Variants in MAP3K4 observed in about 807,000 individuals in gnomAD.
MAP3K4 encodes mitogen-activated protein kinase kinase kinase 4.
MAP3K4 carries 67 observed loss-of-function variants against 185.6 expected under a neutral mutation model. The ratio of observed to expected loss-of-function variants is 0.36; its 90% CI spans 0.30 to 0.44. The LOEUF is 0.44. Ranked by LOEUF, MAP3K4 falls within the 20% of genes least tolerant of loss-of-function variation. The probability of loss-of-function intolerance (pLI) is 1.00; values close to 1 mark genes in which losing one functional copy is unlikely to be tolerated. For synonymous variants in MAP3K4, 702 were observed against 710.4 expected, an observed-to-expected ratio of 0.99 and a Z score of 0.19; for missense variants, 1,551 against 1,995.1, an observed-to-expected ratio of 0.78 and a Z score of 4.24.
Position 161,087,653 on chromosome 6 carries a change from G to C in MAP3K4, c.2557-35G>C, listed in dbSNP as rs763977304. On this transcript the variant is annotated intron_variant, in intron 9 of 26. Transcript: ENST00000392142. The surrounding 1 kb of genome is among the most constrained non-coding windows in gnomAD (Gnocchi z 4.9). ...AAATAACCTATTTCTCTAATGTACA[G>C]TGTTCCTTAAGATTTTGGATTATGT... 6.2e-7 allele frequency: 1 copy of C among 1,608,096 alleles called. No homozygotes were observed. Among genetic ancestry groups the C allele is most frequent in the African/African-American group, 1.3e-5 (1 of 74,814 alleles).
chr6:161,003,862 A>G (rs562579249), intron 1 of MAP3K4, among the ~76,000 whole-genome samples: 6 of 152,154 alleles, frequency 3.9e-5, no homozygotes, highest in Middle Eastern at 6.8e-3. Context: ...ATTCATATAA[A>G]CATAAGGATT....
intron 1 of MAP3K4, among the ~76,000 whole-genome samples, chr6:161,029,170 A>G (rs1309809115): frequency 4.0e-5 from 6 of 151,824 alleles, no homozygotes; most frequent in Non-Finnish European, 8.8e-5. Flanking sequence ...GATGAATATT[A>G]TACTTCACAA....
At chr6:161,027,283 A>G (rs1189161039) in intron 1 of MAP3K4, among the ~76,000 whole-genome samples, 1 of 152,218 alleles carries the variant, frequency 6.6e-6, no homozygotes, top group African/African-American at 2.4e-5. Flanking sequence ...TTGTTCCTAA[A>G]TCTATTTAGA....
intron 23 of MAP3K4, among the ~76,000 whole-genome samples, chr6:161,111,088 G>T (rs1389603081): frequency 6.6e-6 from 1 of 152,202 alleles, no homozygotes; most frequent in Non-Finnish European, 1.5e-5. Flanking sequence ...GTAGTCAATT[G>T]TGGGGAGCAT....
At position 161,093,961 on chromosome 6, in the gene MAP3K4, C is replaced by A; in HGVS notation, c.3427+110C>A. 1 of 769,752 alleles carries A rather than the reference C, an allele frequency of 1.3e-6. No homozygotes were observed. The highest frequency in any genetic ancestry group is 1.8e-5 in the South Asian group (1 of 56,632). The allele number at this position is 769,752 out of a possible 1,614,324, so 47.7% of individuals were successfully genotyped here. On this transcript the variant is annotated intron_variant, in intron 15 of 26. Coordinates refer to ENST00000392142, the MANE Select transcript of MAP3K4 (RefSeq NM_005922.4). The surrounding 1 kb of genome is among the most constrained non-coding windows in gnomAD (Gnocchi z 5.2). The stretch of plus-strand genomic sequence containing the variant: ...GTATAAGAGGTGTTTTAACAGTATT[C>A]AGGAAAACGACAATGAGAGGGACAG...
chr6:160,995,738 C>G (rs889293825), intron 1 of MAP3K4, among the ~76,000 whole-genome samples: 5 of 152,102 alleles, frequency 3.3e-5, no homozygotes, highest in Non-Finnish European at 7.3e-5. Context: ...TTAGGAGGAT[C>G]CTGAGGTGAC....
chr6:161,056,242 G>T lies in MAP3K4; in HGVS notation c.1707+6263G>T, dbSNP rs1437929335. On this transcript the variant is annotated intron_variant, in intron 3 of 26. Transcript: ENST00000392142. The surrounding 1 kb of genome is among the most constrained non-coding windows in gnomAD (Gnocchi z 5.4). ...CTGGGCTTGTCTTGTATTTTCCCTC[G>T]TTCTGTCCTAGGATCAGCCATTTCT... Among the ~76,000 whole-genome samples, 11 of 151,880 alleles carry T rather than the reference G, an allele frequency of 7.2e-5. No individual in the cohort carries two copies. The highest frequency in any genetic ancestry group is 1.5e-4 in the Non-Finnish European group (10 of 67,984).
At position 161,054,073 on chromosome 6, in the gene MAP3K4, T is replaced by A. The variant is rs2114774762; in HGVS notation, c.1707+4094T>A. Among the ~76,000 whole-genome samples, 1 of 152,374 alleles carries A rather than the reference T, an allele frequency of 6.6e-6. No individual in the cohort carries two copies. Among genetic ancestry groups the A allele is most frequent in the East Asian group, 1.9e-4 (1 of 5,194 alleles). The stretch of plus-strand genomic sequence containing the variant: ...TTTTTCTTATCTATGTCTTTATATA[T>A]TTTTTGATTACGTTACTTATAACCA... On this transcript the variant is annotated intron_variant, in intron 3 of 26. Coordinates refer to ENST00000392142, the MANE Select transcript of MAP3K4 (RefSeq NM_005922.4). The surrounding 1 kb of genome is among the most constrained non-coding windows in gnomAD (Gnocchi z 4.2).
In MAP3K4 at chr6:161,087,482, C is replaced by T. The variant is rs1233416321; in HGVS notation, c.2557-206C>T. ...TAATCGGGGAGACTCTGTAAGGCCT[C>T]TCCTCCAGTGCGTTCACAGACTCTC... On this transcript the variant is annotated intron_variant, in intron 9 of 26. Coordinates refer to ENST00000392142, the MANE Select transcript of MAP3K4 (RefSeq NM_005922.4). The surrounding 1 kb of genome is among the most constrained non-coding windows in gnomAD (Gnocchi z 4.9). Among the ~76,000 whole-genome samples the T allele has an allele frequency of 6.6e-6, 1 of 152,144 alleles. No homozygotes were observed.
chr6:161,031,719 T>G (rs368040400), intron 1 of MAP3K4, among the ~76,000 whole-genome samples: 1 of 149,770 alleles, frequency 6.7e-6, no homozygotes. Flanking sequence ...TTGTTTCCAT[T>G]ACTTTAATTT....
At chr6:161,035,503 G>C (rs777944593) in intron 2 of MAP3K4, among the ~76,000 whole-genome samples, 1 of 152,148 alleles carries the variant, frequency 6.6e-6, no homozygotes, top group Non-Finnish European at 1.5e-5. Flanking sequence ...TGATTTGCTT[G>C]AGTGAGATGC....
chr6:161,047,851 AC>A (rs1474558144), intron 2 of MAP3K4, among the ~76,000 whole-genome samples: 2 of 151,914 alleles, frequency 1.3e-5, no homozygotes, highest in Non-Finnish European at 2.9e-5. Flanking sequence ...AGATTATAGA[AC>A]CTCTTCTAGA....
chr6:161,068,096 G>A (rs1007877693), intron 3 of MAP3K4, among the ~76,000 whole-genome samples: 3 of 152,180 alleles, frequency 2.0e-5, no homozygotes, highest in African/African-American at 7.2e-5. Flanking sequence ...CATCTATTAT[G>A]TGGCAAGTAC....
chr6:161,003,846 C>T (rs1330931117), intron 1 of MAP3K4, among the ~76,000 whole-genome samples: 1 of 151,826 alleles, frequency 6.6e-6, no homozygotes, highest in East Asian at 1.9e-4. Context: ...TTTTTTTAAA[C>T]AAAATATTCA....
chr6:161,049,244 G>A lies in MAP3K4; in HGVS notation c.972G>A (p.Gly324=), dbSNP rs1218044455. 1.9e-6 allele frequency: 3 copies of A among 1,614,176 alleles called. No individual in the cohort carries two copies. The highest frequency in any genetic ancestry group is 1.7e-4 in the Middle Eastern group (1 of 6,060). Residue 324 remains glycine, a synonymous_variant, in exon 3 of 27, where the codon GGG becomes GGA. Transcript: ENST00000392142. The surrounding 1 kb of genome is among the most constrained non-coding windows in gnomAD (Gnocchi z 8.4). The part of the protein sequence containing the change: ...RAGFNGTSVE[G]QCKATPGTKI... The stretch of plus-strand genomic sequence containing the variant: ...GTTTTAATGGTACTTCAGTAGAAGG[G>A]CAGTGCAAAGCCACTCCTGGAACAA...
intron 2 of MAP3K4, among the ~76,000 whole-genome samples, chr6:161,038,824 A>G (rs1266364139): frequency 1.3e-5 from 2 of 152,090 alleles, no homozygotes; most frequent in African/African-American, 4.8e-5. Context: ...TGTCTGCTGG[A>G]TGTCAAACAT....
intron 3 of MAP3K4, among the ~76,000 whole-genome samples, chr6:161,060,855 A>G (rs958398979): frequency 2.4e-4 from 36 of 152,166 alleles, no homozygotes; most frequent in African/African-American, 8.7e-4. Flanking sequence ...TCTGACCTCA[A>G]GTGATCTGCC....
chr6:161,036,213 A>G (rs933317911), intron 2 of MAP3K4, among the ~76,000 whole-genome samples: 8 of 152,216 alleles, frequency 5.3e-5, no homozygotes, highest in African/African-American at 1.7e-4. Context: ...ATGAAATTAT[A>G]GAATTTTAGA....
intron 15 of MAP3K4, among the ~76,000 whole-genome samples, chr6:161,095,099 G>A (rs979961305): frequency 2.0e-5 from 3 of 152,052 alleles, no homozygotes; most frequent in Non-Finnish European, 2.9e-5. Flanking sequence ...CATCTGAGTC[G>A]CTCATCTTTC....
Sources: gnomAD v4.1 joint callset for allele counts (sites outside exome capture counted in the v4.1 genomes callset) on GRCh38, gnomAD v4.1.1 for gene constraint, Gnocchi (gnomAD v3.1) non-coding constraint, MANE v1.5 for transcripts, NCBI Gene and HGNC (gene_info 2026-07-23, HGNC 2026-07-21) for gene names.